The following SEC63 variants were observed in gnomAD, a reference collection of about 807,000 sequenced individuals.
The protein encoded by SEC63 is SEC63 protein translocation regulator, also known as translocation protein SEC63 homolog.
SEC63 carries 56 observed loss-of-function variants against 116.2 expected under a neutral mutation model. The ratio of observed to expected loss-of-function variants is 0.48; its 90% CI spans 0.39 to 0.60. The LOEUF is 0.60. SEC63 is among the 20% of genes least tolerant of loss of function. SEC63 has a pLI of 0.00. For missense variants in SEC63, 668 were observed against 900.0 expected (o/e 0.74, Z 3.30); for synonymous variants, 273 against 294.6 (o/e 0.93, Z 0.75).
In SEC63 at chr6:107,957,780, GT is replaced by G. The variant is rs1770740372; in HGVS notation, c.124+105del. 2.4e-6 allele frequency: 3 copies of G among 1,234,548 alleles called. No homozygotes were observed. In the Admixed American group the frequency reaches 1.3e-4, roughly 53 times the overall value. 76.5% of individuals were successfully genotyped at this position (1,234,548 alleles called of 1,614,324 possible). On this transcript the variant is annotated intron_variant, in intron 1 of 20. Transcript: ENST00000369002. ...ACACAGGCCGGGCCGCACCGTCCCT[GT>G]CATCCCGGACGCCGCGGGCTGGGGC...
intron 1 of SEC63, among the ~76,000 whole-genome samples, chr6:107,956,726 A>G (rs563124742): frequency 1.3e-5 from 2 of 151,956 alleles, no homozygotes; most frequent in African/African-American, 2.4e-5. Flanking sequence ...TGCAGATCAC[A>G]TGGGGCGGGG....
chr6:107,887,739 AAAGTAT>A, intron 16 of SEC63, among the ~76,000 whole-genome samples: 1 of 152,046 alleles, frequency 6.6e-6, no homozygotes, highest in East Asian at 1.9e-4. Context: ...CCTAAAACTT[AAAGTAT>A]AACTAAAAAA....
intron 3 of SEC63, among the ~76,000 whole-genome samples, chr6:107,924,562 TAA>T (rs750053590): frequency 5.2e-4 from 79 of 151,190 alleles, no homozygotes; most frequent in Non-Finnish European, 1.0e-3. Context: ...TGAGACTCTG[TAA>T]AAAAAAATGT....
At chr6:107,937,449 G>A (rs776964937) in intron 1 of SEC63, among the ~76,000 whole-genome samples, 13 of 151,584 alleles carry the variant, frequency 8.6e-5, no homozygotes, top group African/African-American at 1.5e-4. Context: ...TATCCAGTCC[G>A]CTATTGATAG....
chr6:107,892,095 G>C (rs548575660), intron 16 of SEC63, among the ~76,000 whole-genome samples: 2 of 152,226 alleles, frequency 1.3e-5, no homozygotes, highest in Non-Finnish European at 2.9e-5. Context: ...TAGATCTGCT[G>C]CTGTCTTCAG....
At position 107,949,417 on chromosome 6, in the gene SEC63, C is replaced by T. The variant is rs9386687; in HGVS notation, c.124+8469G>A. Among the ~76,000 whole-genome samples the T allele has an allele frequency of 0.013, 2,040 of 152,124 alleles. 94 individuals carry two copies. The East Asian group carries it at 0.16, about 12-fold the overall frequency. ...CACTTTGAGAGTCCGAGACATAGAT[C>T]ACTTGGGCCCAGGAGTTTGAGACAA... On this transcript the variant is annotated intron_variant, in intron 1 of 20. Coordinates refer to ENST00000369002, the MANE Select transcript of SEC63 (RefSeq NM_007214.5).
At chr6:107,876,484 T>A (rs953025130) in intron 19 of SEC63, 80 bp downstream of exon 19, 69 of 894,924 alleles carry the variant, frequency 7.7e-5, no homozygotes, top group African/African-American at 3.6e-4. Flanking sequence ...ATAAACTTTT[T>A]AAAAAAAAGA....
rs74580724 is a variant in SEC63 at position 107,956,148 on chromosome 6, G to T, written c.124+1738C>A. ...AGAACAACTTTAAAAATCCAATGTA[G>T]ATTAAAAAATGATGGCTAATTTCTG... On this transcript the variant is annotated intron_variant, in intron 1 of 20. Coordinates refer to ENST00000369002, the MANE Select transcript of SEC63 (RefSeq NM_007214.5). 5.5e-3 allele frequency: 1,040 copies of T among 187,470 alleles called. 15 individuals are homozygous for T. The highest frequency in any genetic ancestry group is 0.024 in the African/African-American group (1,001 of 41,794). 11.6% of individuals were successfully genotyped at this position (187,470 alleles called of 1,614,324 possible). A position where few individuals can be genotyped will look rare whatever the true frequency, so the allele number is the denominator to read the frequency against.
chr6:107,928,301 G>A (rs1787720943), intron 2 of SEC63, among the ~76,000 whole-genome samples: 1 of 151,868 alleles, frequency 6.6e-6, no homozygotes, highest in Non-Finnish European at 1.5e-5. Context: ...TGGGGAACAT[G>A]GTGAAACCCC....
intron 7 of SEC63, among the ~76,000 whole-genome samples, chr6:107,910,051 ATG>A (rs1319555248): frequency 6.6e-6 from 1 of 152,222 alleles, no homozygotes; most frequent in African/African-American, 2.4e-5. Flanking sequence ...TTTAAAATGA[ATG>A]TGTGTACATA....
intron 1 of SEC63, among the ~76,000 whole-genome samples, chr6:107,952,511 A>C (rs938421481): frequency 6.6e-6 from 1 of 152,196 alleles, no homozygotes; most frequent in Non-Finnish European, 1.5e-5. Flanking sequence ...TAATCCCAGC[A>C]CTTTGGGAGG....
rs760312302 is a variant in SEC63 at position 107,893,489 on chromosome 6, A to C, written c.1667T>G (p.Val556Gly). ...QQKQKQANGVVGNEAAVKEDE... is the reference protein window; with the variant it reads ...QQKQKQANGVGGNEAAVKEDE... ...CGATAATAATAAACTTACATTCCCA[A>C]CGACTCCATTTGCCTGCTTTTGTTT... The change falls in exon 16 of 21, where the codon GTT (valine) becomes GGT (glycine). Residue 556 changes from valine to glycine, a missense_variant. Around this residue, in one of 5 missense-constraint regions of SEC63, gnomAD observed 430 missense variants for 557.5 expected, o/e 0.77. Coordinates refer to ENST00000369002, the MANE Select transcript of SEC63 (RefSeq NM_007214.5). 1.2e-6 allele frequency: 2 copies of C among 1,612,620 alleles called. No homozygotes were observed. Among genetic ancestry groups the C allele is most frequent in the South Asian group, 2.2e-5 (2 of 91,000 alleles).
chr6:107,877,071 G>GTATATATATATATATATATA (rs1554231968), intron 18 of SEC63: 44 of 34,472 alleles, frequency 1.3e-3, no homozygotes, highest in African/African-American at 3.9e-3. Context: ...ATATGTGTGT[G>GTATATATATATATATATATA]TATATATATA....
intron 1 of SEC63, among the ~76,000 whole-genome samples, chr6:107,936,144 C>T (rs1239311507): frequency 6.6e-6 from 1 of 152,214 alleles, no homozygotes; most frequent in African/African-American, 2.4e-5. Context: ...TTCTACTGTT[C>T]CTGGCCAAGA....
chr6:107,891,309 T>C (rs1298284713), intron 16 of SEC63, among the ~76,000 whole-genome samples: 3 of 152,018 alleles, frequency 2.0e-5, no homozygotes, highest in Non-Finnish European at 4.4e-5. Context: ...CTTTATTTCA[T>C]TGAGTTGATC....
intron 1 of SEC63, among the ~76,000 whole-genome samples, chr6:107,930,370 GGAGGCT>G: frequency 6.6e-6 from 1 of 151,914 alleles, no homozygotes; most frequent in South Asian, 2.1e-4. Context: ...CGGCACTTTG[GGAGGCT>G]GAGGCGGGCA....
At chr6:107,910,724 C>T (rs1031518796) in intron 7 of SEC63, among the ~76,000 whole-genome samples, 5 of 151,974 alleles carry the variant, frequency 3.3e-5, no homozygotes, top group African/African-American at 1.2e-4. Flanking sequence ...CATATGTATA[C>T]ATATGTATAT....
chr6:107,933,386 A>G (rs1466322814), intron 1 of SEC63, among the ~76,000 whole-genome samples: 1 of 152,198 alleles, frequency 6.6e-6, no homozygotes, highest in East Asian at 1.9e-4. Context: ...AAACAAATAT[A>G]AAACACCTAA....
At chr6:107,953,636 G>GC (rs1374884552) in intron 1 of SEC63, among the ~76,000 whole-genome samples, 1 of 141,966 alleles carries the variant, frequency 7.0e-6, no homozygotes, top group African/African-American at 2.7e-5. Context: ...CTGCCCGGCC[G>GC]CCCCTACTGG....
Sources: gnomAD v4.1 joint callset for allele counts (sites outside exome capture counted in the v4.1 genomes callset) on GRCh38, gnomAD v4.1.1 for gene constraint, gnomAD v4.1.1 regional missense constraint, MANE v1.5 for transcripts, NCBI Gene and HGNC (gene_info 2026-07-23, HGNC 2026-07-21) for gene names.